MAP2: variants seen among roughly 807,000 people sequenced by gnomAD.
MAP2 encodes the protein microtubule-associated protein 2.
In MAP2, 14 loss-of-function variants were observed where a neutral mutation model predicts 137.6. That is an observed-to-expected ratio of 0.10 (90% CI 0.07 to 0.16). The LOEUF (loss-of-function observed/expected upper bound fraction) is 0.16. MAP2 is among the 10% of genes least tolerant of loss of function. The pLI is 1.00. For synonymous variants in MAP2, 786 were observed against 782.3 expected (o/e 1.00, Z -0.08); for missense variants, 2,088 against 2,191.5 (o/e 0.95, Z 0.94).
intron 15 of MAP2, 104 bp downstream of exon 15, chr2:209,730,066 AGT>A: frequency 1.8e-6 from 2 of 1,141,908 alleles, no homozygotes; most frequent in Non-Finnish European, 2.6e-6. Flanking sequence ...ACAAATAAGA[AGT>A]GGGGATAACA....
intron 3 of MAP2, among the ~76,000 whole-genome samples, chr2:209,588,483 C>A (rs1248484291): frequency 2.6e-5 from 4 of 152,150 alleles, no homozygotes; most frequent in Non-Finnish European, 5.9e-5. Context: ...GGAAAAGATA[C>A]TCCATTTAAT....
At chr2:209,681,138 T>C (rs2054378365) in intron 7 of MAP2, among the ~76,000 whole-genome samples, 1 of 152,182 alleles carries the variant, frequency 6.6e-6, no homozygotes, top group Non-Finnish European at 1.5e-5. Flanking sequence ...GATACAATTC[T>C]ACCTTGTAAG....
At chr2:209,550,937 C>T (rs2069047747) in intron 2 of MAP2, among the ~76,000 whole-genome samples, 1 of 151,986 alleles carries the variant, frequency 6.6e-6, no homozygotes. Context: ...GTAGGTTCTC[C>T]CAGTCACATT....
intron 4 of MAP2, among the ~76,000 whole-genome samples, chr2:209,627,173 A>G (rs1345289649): frequency 2.0e-5 from 3 of 152,182 alleles, no homozygotes; most frequent in Non-Finnish European, 4.4e-5. Flanking sequence ...GATACTTAAA[A>G]GTGAAATATC....
intron 2 of MAP2, among the ~76,000 whole-genome samples, chr2:209,531,268 G>A (rs1313273970): frequency 6.6e-6 from 1 of 152,148 alleles, no homozygotes; most frequent in South Asian, 2.1e-4. Context: ...GCACCTGACT[G>A]TCCTCATGTT....
chr2:209,574,493 A>C (rs1186865480), intron 2 of MAP2, among the ~76,000 whole-genome samples: 1 of 151,750 alleles, frequency 6.6e-6, no homozygotes, highest in African/African-American at 2.4e-5. Flanking sequence ...TTATCCATTC[A>C]TCCATCTACA....
intron 2 of MAP2, among the ~76,000 whole-genome samples, chr2:209,534,900 TTA>T (rs1447939890): frequency 5.3e-5 from 8 of 152,184 alleles, no homozygotes; most frequent in African/African-American, 1.9e-4. Flanking sequence ...TTTAACAGCT[TTA>T]TTGGGATATA....
At chr2:209,533,097 C>T (rs2065385737) in intron 2 of MAP2, among the ~76,000 whole-genome samples, 2 of 151,868 alleles carry the variant, frequency 1.3e-5, no homozygotes, top group African/African-American at 4.8e-5. Flanking sequence ...TCTACTGCCC[C>T]CATTTCCCAA....
intron 13 of MAP2, among the ~76,000 whole-genome samples, chr2:209,713,694 TAAAC>T (rs1219517040): frequency 6.6e-6 from 1 of 152,202 alleles, no homozygotes; most frequent in Admixed American, 6.5e-5. Flanking sequence ...CTGCTTCAGT[TAAAC>T]AAAGGTAGAG....
intron 5 of MAP2, among the ~76,000 whole-genome samples, chr2:209,655,461 C>A (rs528738465): frequency 1.1e-4 from 16 of 152,302 alleles, no homozygotes; most frequent in African/African-American, 2.9e-4. Flanking sequence ...AAAATAATAT[C>A]TTTTCATGTC....
At chr2:209,467,428 C>G (rs181439789) in intron 1 of MAP2, among the ~76,000 whole-genome samples, 45 of 152,244 alleles carry the variant, frequency 3.0e-4, no homozygotes, top group Admixed American at 9.2e-4. Flanking sequence ...TTGAGGACTA[C>G]TTAAAATATA....
intron 3 of MAP2, among the ~76,000 whole-genome samples, chr2:209,592,970 GT>G (rs1416290832): frequency 6.6e-6 from 1 of 151,226 alleles, no homozygotes; most frequent in African/African-American, 2.4e-5. Context: ...TCCGTTCTAG[GT>G]TTTTTTTCCT....
chr2:209,528,732 A>C lies in MAP2; in HGVS notation c.-172+21091A>C, dbSNP rs554689973. Among the ~76,000 whole-genome samples, 3 of 150,852 alleles carry C rather than the reference A, an allele frequency of 2.0e-5. No homozygotes were observed. In the East Asian group the frequency reaches 5.9e-4, roughly 29 times the overall value. ...TATATATACATGTATATGTACATAA[A>C]TATACATGTATATATGTACATATGT... On this transcript the variant is annotated intron_variant, in intron 2 of 15. Transcript: ENST00000682079.
At chr2:209,538,886 G>T (rs2150706304) in intron 2 of MAP2, among the ~76,000 whole-genome samples, 1 of 152,142 alleles carries the variant, frequency 6.6e-6, no homozygotes, top group East Asian at 1.9e-4. Context: ...TAATATCATT[G>T]TTGCTTTTAA....
chr2:209,615,213 G>C (rs567421978), intron 3 of MAP2, among the ~76,000 whole-genome samples: 1 of 152,142 alleles, frequency 6.6e-6, no homozygotes, highest in Admixed American at 6.5e-5. Context: ...GTGTTCAGCC[G>C]AATGCCTCTT....
chr2:209,614,332 A>G (rs552534449), intron 3 of MAP2, among the ~76,000 whole-genome samples: 74 of 152,226 alleles, frequency 4.9e-4, no homozygotes, highest in African/African-American at 1.7e-3. Flanking sequence ...AGAAACCCCC[A>G]ATAGATGATT....
intron 2 of MAP2, among the ~76,000 whole-genome samples, chr2:209,579,048 G>A (rs927674946): frequency 2.6e-5 from 4 of 151,454 alleles, no homozygotes; most frequent in Admixed American, 2.0e-4. Flanking sequence ...TTTCTTTAAT[G>A]AAGATATTTA....
At chr2:209,548,081 A>G (rs1343548930) in intron 2 of MAP2, among the ~76,000 whole-genome samples, 1 of 152,228 alleles carries the variant, frequency 6.6e-6, no homozygotes, top group Non-Finnish European at 1.5e-5. Context: ...TATTAGCTGG[A>G]CACAAAGTGT....
intron 10 of MAP2, among the ~76,000 whole-genome samples, chr2:209,699,457 A>G (rs1321226966): frequency 6.6e-6 from 1 of 152,204 alleles, no homozygotes; most frequent in Non-Finnish European, 1.5e-5. Context: ...GGTTTTCCAA[A>G]CCACAAGGGA....
Sources: allele counts gnomAD v4.1 joint callset (sites outside exome capture counted in the v4.1 genomes callset), GRCh38; gene constraint gnomAD v4.1.1; transcripts MANE v1.5; gene names NCBI Gene and HGNC (gene_info 2026-07-23, HGNC 2026-07-21).